The following EFCC1 variants were observed in gnomAD, a reference collection of about 807,000 sequenced individuals.
The protein encoded by EFCC1 is EF-hand and coiled-coil domain containing 1.
A neutral mutation model predicts 52.1 loss-of-function variants in EFCC1; 50 were observed. The observed-to-expected ratio is 0.96, with a 90% CI of 0.76 to 1.21. The LOEUF is 1.21. Ranked by LOEUF, EFCC1 falls within the 50% of genes most tolerant of loss-of-function variation. The probability of loss-of-function intolerance (pLI) is 0.00; values close to 1 mark genes in which losing one functional copy is unlikely to be tolerated. For missense variants in EFCC1, 837 were observed against 867.3 expected (o/e 0.97, Z 0.44); for synonymous variants, 399 against 396.5 (o/e 1.01, Z -0.08).
intron 2 of EFCC1, among the ~76,000 whole-genome samples, chr3:129,025,281 G>A (rs533683166): frequency 4.6e-5 from 7 of 152,306 alleles, no homozygotes; most frequent in East Asian, 3.9e-4. Flanking sequence ...AGGGCTCACC[G>A]GCATTAGGGG....
At chr3:129,025,439 G>A (rs894910630) in intron 2 of EFCC1, among the ~76,000 whole-genome samples, 3 of 152,232 alleles carry the variant, frequency 2.0e-5, no homozygotes, top group African/African-American at 7.2e-5. Flanking sequence ...AGTCAAATGC[G>A]TGCTGAGAAC....
intron 2 of EFCC1, among the ~76,000 whole-genome samples, chr3:129,026,535 C>T (rs1946115059): frequency 6.6e-6 from 1 of 152,196 alleles, no homozygotes; most frequent in Non-Finnish European, 1.5e-5. Flanking sequence ...GCAGTTCCTG[C>T]GAGAAAGTTG....
chr3:129,023,211 A>G (rs1405890240), intron 2 of EFCC1, among the ~76,000 whole-genome samples: 1 of 152,134 alleles, frequency 6.6e-6, no homozygotes, highest in Non-Finnish European at 1.5e-5. Context: ...TTACAAATAT[A>G]TGCTTCTAAA....
intron 2 of EFCC1, among the ~76,000 whole-genome samples, chr3:129,013,938 G>A (rs959906707): frequency 3.2e-4 from 49 of 152,338 alleles, no homozygotes; most frequent in African/African-American, 1.2e-3. Context: ...GGCAGGGGCA[G>A]GAGCGACTGT....
intron 2 of EFCC1, among the ~76,000 whole-genome samples, chr3:129,015,889 C>T (rs1007603618): frequency 3.9e-5 from 6 of 152,170 alleles, no homozygotes; most frequent in South Asian, 2.1e-4. Context: ...CAAAGGAAGC[C>T]GCTGTGTGCG....
intron 2 of EFCC1, among the ~76,000 whole-genome samples, chr3:129,009,707 C>A (rs1337845310): frequency 6.6e-6 from 1 of 152,220 alleles, no homozygotes; most frequent in Non-Finnish European, 1.5e-5. Context: ...CTGGAGCTCG[C>A]AGCCCAGTCC....
intron 2 of EFCC1, among the ~76,000 whole-genome samples, chr3:129,016,548 C>T (rs1381107573): frequency 6.6e-6 from 1 of 151,626 alleles, no homozygotes; most frequent in Non-Finnish European, 1.5e-5. Context: ...CCGTGAGCTC[C>T]ACCTGCCTGC....
Position 129,003,871 on chromosome 3 carries a change from T to C in EFCC1, c.774T>C (p.Arg258=), listed in dbSNP as rs1576694519. Residue 258 remains arginine, a synonymous_variant, in exon 2 of 8, where the codon CGT becomes CGC. Transcript: ENST00000683648. ...GGPEAAVREL[R]QAQGALAAAE... ...CGGAGGCTGCGGTGCGGGAGCTGCG[T>C]CAGGCGCAGGGCGCCCTGGCTGCGG... is the stretch of plus-strand genomic sequence containing the variant. 1 of 1,429,520 alleles carries C rather than the reference T, an allele frequency of 7.0e-7. No homozygotes were observed. The highest frequency in any genetic ancestry group is 9.1e-7 in the Non-Finnish European group (1 of 1,093,560). The allele number at this position is 1,429,520 out of a possible 1,614,324, so 88.6% of individuals were successfully genotyped here.
chr3:129,023,612 G>A (rs1389999403), intron 2 of EFCC1, among the ~76,000 whole-genome samples: 5 of 152,216 alleles, frequency 3.3e-5, no homozygotes, highest in Admixed American at 1.3e-4. Context: ...GATTACAGGC[G>A]TGAGCCACCG....
Position 129,003,979 on chromosome 3 carries a change from C to T in EFCC1, c.882C>T (p.Arg294=), listed in dbSNP as rs1944935955. 1 of 1,488,482 alleles carries T rather than the reference C, an allele frequency of 6.7e-7. No individual in the cohort carries two copies. The highest frequency in any genetic ancestry group is 1.5e-5 in the African/African-American group (1 of 68,570). The allele number at this position is 1,488,482 out of a possible 1,614,324, so 92.2% of individuals were successfully genotyped here. A position where few individuals can be genotyped will look rare whatever the true frequency, so the allele number is the denominator to read the frequency against. Residue 294 remains arginine (R), a synonymous_variant, in exon 2 of 8, where the codon CGC becomes CGT. Transcript: ENST00000683648. The part of the protein sequence containing the change: ...RAEEARQVVL[R]SLHRVRELEA... ...AGGAGGCCCGGCAGGTGGTGCTGCG[C>T]AGCCTGCACCGCGTGCGAGAGCTGG... is the stretch of plus-strand genomic sequence containing the variant.
intron 2 of EFCC1, among the ~76,000 whole-genome samples, chr3:129,020,698 G>A (rs144419113): frequency 6.6e-6 from 1 of 152,170 alleles, no homozygotes; most frequent in Admixed American, 6.5e-5. Flanking sequence ...ACTTGGTAAG[G>A]CACGCTTATT....
rs1298266508 is a variant in EFCC1 at position 129,027,136 on chromosome 3, G to GCT, written c.981-3567_981-3566insCT. ...GCCCTCAGGCAGTCAGCGAAACGCC[G>GCT]GAAACGCCTGCAGACGCCTGCAGAC... On this transcript the variant is annotated intron_variant, in intron 2 of 7. Coordinates refer to ENST00000683648, the MANE Select transcript of EFCC1 (RefSeq NM_001377500.1). Among the ~76,000 whole-genome samples, 212 of 152,290 alleles carry GCT rather than the reference G, an allele frequency of 1.4e-3. 3 individuals are homozygous for GCT. The highest frequency in any genetic ancestry group is 4.5e-3 in the African/African-American group (187 of 41,544).
In EFCC1 at chr3:129,022,370, G is replaced by A. The variant is rs746210512; in HGVS notation, c.981-8333G>A. 7.9e-5 allele frequency among the ~76,000 whole-genome samples: 12 copies of A among 152,208 alleles called. 1 individual carries two copies. Among genetic ancestry groups the A allele is most frequent in the South Asian group, 6.2e-4 (3 of 4,834 alleles). ...TCCTGAGGGTGGAACCCAGGTTTGC[G>A]GCTCCTCAGATCCACCTCTTTGCAT... On this transcript the variant is annotated intron_variant, in intron 2 of 7. Transcript: ENST00000683648.
chr3:129,001,825 T>C lies in EFCC1; in HGVS notation c.197T>C (p.Leu66Pro). Residue 66 changes from leucine (L) to proline (P), a missense_variant, in exon 1 of 8, where the codon CTG (leucine) becomes CCG (proline). Physicochemically the swap from Leu to Pro is moderately conservative, Grantham distance 98. Transcript: ENST00000683648. ...DQYLQEVFHH[L>P]DCRGAGRLPR... ...TACCTGCAGGAGGTCTTCCACCACC[T>C]GGACTGCCGCGGCGCCGGCCGTCTG... is the stretch of plus-strand genomic sequence containing the variant. 6.5e-7 allele frequency: 1 copy of C among 1,545,554 alleles called. No individual in the cohort carries two copies. Among genetic ancestry groups the C allele is most frequent in the Non-Finnish European group, 8.7e-7 (1 of 1,145,662 alleles).
chr3:129,035,407 C>T (rs1029925930), intron 5 of EFCC1, among the ~76,000 whole-genome samples: 1 of 152,184 alleles, frequency 6.6e-6, no homozygotes, highest in Non-Finnish European at 1.5e-5. Flanking sequence ...CCAAGGCAGC[C>T]ACACCACTCC....
chr3:129,008,212 A>AT (rs1333654880), intron 2 of EFCC1, among the ~76,000 whole-genome samples: 1 of 152,246 alleles, frequency 6.6e-6, no homozygotes, highest in African/African-American at 2.4e-5. Flanking sequence ...CCCAAGACCA[A>AT]TAGGTGGAAT....
At chr3:129,029,996 G>C (rs900732562) in intron 2 of EFCC1, among the ~76,000 whole-genome samples, 42 of 151,816 alleles carry the variant, frequency 2.8e-4, no homozygotes, top group African/African-American at 1.0e-3. Flanking sequence ...ACCAGCGGAA[G>C]CAACATGGCA....
At chr3:129,033,466 C>G (rs577861188) in intron 4 of EFCC1, among the ~76,000 whole-genome samples, 1 of 152,196 alleles carries the variant, frequency 6.6e-6, no homozygotes, top group Non-Finnish European at 1.5e-5. Context: ...GATGGTGACA[C>G]TTGTGTGGCA....
chr3:129,034,505 A>G (rs1946332592), intron 5 of EFCC1, among the ~76,000 whole-genome samples, 176 bp downstream of exon 5: 1 of 152,206 alleles, frequency 6.6e-6, no homozygotes, highest in Admixed American at 6.5e-5. Context: ...GTTGCAAATT[A>G]AAGGATCCCA....
Sources: gnomAD v4.1 joint callset for allele counts (sites outside exome capture counted in the v4.1 genomes callset) on GRCh38, gnomAD v4.1.1 for gene constraint, MANE v1.5 for transcripts, NCBI Gene and HGNC (gene_info 2026-07-23, HGNC 2026-07-21) for gene names.